SLC18A2: variants seen among roughly 807,000 people sequenced by gnomAD.
The protein encoded by SLC18A2 is solute carrier family 18 member A2.
A neutral mutation model predicts 59.2 loss-of-function variants in SLC18A2; 33 were observed. The ratio of observed to expected loss-of-function variants is 0.56; its 90% confidence interval spans 0.42 to 0.75. The LOEUF (loss-of-function observed/expected upper bound fraction) is 0.75, where lower values mean the gene tolerates loss of function less well. Ranked by LOEUF, SLC18A2 falls within the 30% of genes least tolerant of loss-of-function variation. The pLI is 0.00. For missense variants in SLC18A2, 569 were observed against 668.6 expected, an observed-to-expected ratio of 0.85 and a Z score of 1.64; for synonymous variants, 228 against 253.5, an observed-to-expected ratio of 0.90 and a Z score of 0.95.
At chr10:117,266,246 T>G (rs1022089245) in intron 10 of SLC18A2, among the ~76,000 whole-genome samples, 22 of 152,088 alleles carry the variant, frequency 1.4e-4, no homozygotes, top group Non-Finnish European at 2.9e-4. Context: ...CATAAATATA[T>G]TTATATATGT....
intron 3 of SLC18A2, 119 bp from the exon 4 acceptor site, chr10:117,253,280 G>C (rs1844184346): frequency 2.7e-6 from 2 of 745,022 alleles, no homozygotes; most frequent in Non-Finnish European, 4.7e-6. Flanking sequence ...TGAATTTTCA[G>C]AAAAGTCCAC....
At chr10:117,245,964 T>C (rs954944669) in intron 3 of SLC18A2, among the ~76,000 whole-genome samples, 9 of 152,240 alleles carry the variant, frequency 5.9e-5, no homozygotes, top group Non-Finnish European at 1.3e-4. Flanking sequence ...TAAAACATGC[T>C]AAGCAAATTA....
At chr10:117,247,754 C>T (rs1318969576) in intron 3 of SLC18A2, among the ~76,000 whole-genome samples, 1 of 152,180 alleles carries the variant, frequency 6.6e-6, no homozygotes, top group East Asian at 1.9e-4. Context: ...GGTCCAGCCT[C>T]GTGCATCCCT....
intron 10 of SLC18A2, among the ~76,000 whole-genome samples, chr10:117,258,818 G>A (rs975378587): frequency 2.0e-5 from 3 of 147,696 alleles, no homozygotes; most frequent in African/African-American, 7.5e-5. Flanking sequence ...CCAGGCTGGA[G>A]TGCGGTGGCA....
rs543593869 is a variant in SLC18A2 at position 117,241,744 on chromosome 10, C to G, written c.51C>G (p.Arg17=). The change falls in exon 2 of 16, where the codon CGC becomes CGG. Residue 17 remains arginine, a synonymous_variant. Transcript: ENST00000644641. ...ALVRWLQESR[R]SRKLILFIVF... The stretch of plus-strand genomic sequence containing the variant: ...TCCGCTGGCTGCAGGAGAGCCGCCG[C>G]TCGCGGAAGCTCATCCTGTTCATCG... 1.3e-5 allele frequency: 21 copies of G among 1,610,296 alleles called. No homozygotes were observed. In the South Asian group the frequency reaches 2.2e-4, roughly 17 times the overall value.
At chr10:117,264,036 G>C (rs1844321982) in intron 10 of SLC18A2, among the ~76,000 whole-genome samples, 1 of 152,220 alleles carries the variant, frequency 6.6e-6, no homozygotes, top group Non-Finnish European at 1.5e-5. Context: ...GGAAACCCAA[G>C]GTCTCATTTC....
intron 1 of SLC18A2, 28 bp from the exon 2 acceptor site, chr10:117,241,651 G>T: frequency 6.5e-7 from 1 of 1,533,270 alleles, no homozygotes; most frequent in East Asian, 2.6e-5. Flanking sequence ...CGGCCGCCTT[G>T]GGTCCTCACC....
In SLC18A2 at chr10:117,255,590, T is replaced by G. The variant is rs375131324; in HGVS notation, c.835-7T>G. On this transcript the variant is annotated splice_polypyrimidine_tract_variant and splice_region_variant and intron_variant, in intron 8 of 15. Coordinates refer to ENST00000644641, the MANE Select transcript of SLC18A2 (RefSeq NM_003054.6). The stretch of plus-strand genomic sequence containing the variant: ...GCTGCTTCTGACCCGTGTTTTTTTC[T>G]TGACAGAGTCAGAAGGGGACACCCC... 153 of 1,613,970 alleles carry G rather than the reference T, an allele frequency of 9.5e-5. No individual in the cohort carries two copies. Among genetic ancestry groups the G allele is most frequent in the Non-Finnish European group, 1.1e-4 (129 of 1,180,004 alleles).
intron 3 of SLC18A2, among the ~76,000 whole-genome samples, chr10:117,252,005 C>T (rs1353532957): frequency 1.3e-5 from 2 of 152,052 alleles, no homozygotes; most frequent in African/African-American, 4.8e-5. Context: ...GTCACCCAGG[C>T]TGGAGTGCAG....
At chr10:117,262,143 G>A (rs1450537074) in intron 10 of SLC18A2, among the ~76,000 whole-genome samples, 2 of 152,116 alleles carry the variant, frequency 1.3e-5, no homozygotes, top group East Asian at 3.9e-4. Context: ...CTGACTTCGT[G>A]ATCCCCCTGC....
Position 117,255,300 on chromosome 10 carries a change from C to G in SLC18A2, c.724C>G (p.Leu242Val), listed in dbSNP as rs754569594. Residue 242 changes from leucine to valine, a missense_variant, in exon 7 of 16, where the codon CTC becomes GTC. Physicochemically the swap from Leu to Val is conservative, Grantham distance 32. Around this residue, in one of 2 missense-constraint regions of SLC18A2, gnomAD observed 377 missense variants for 389.8 expected, o/e 0.97. Coordinates refer to ENST00000644641, the MANE Select transcript of SLC18A2 (RefSeq NM_003054.6). ...AGTGGGCCCCCCCTTCGGGAGTGTG[C>G]TCTATGAGTTTGTGGGGAAGACGGC... Reference protein sequence around the residue: ...VLVGPPFGSVLYEFVGKTAPF... With the variant: ...VLVGPPFGSVVYEFVGKTAPF... 1 of 1,614,230 alleles carries G rather than the reference C, an allele frequency of 6.2e-7. No individual in the cohort carries two copies. The highest frequency in any genetic ancestry group is 1.1e-5 in the South Asian group (1 of 91,082).
intron 10 of SLC18A2, among the ~76,000 whole-genome samples, chr10:117,265,150 A>G (rs1002467057): frequency 7.2e-5 from 11 of 152,214 alleles, no homozygotes; most frequent in Admixed American, 2.0e-4. Flanking sequence ...TGGAAAATGA[A>G]ATGAGATTGC....
intron 3 of SLC18A2, among the ~76,000 whole-genome samples, chr10:117,252,244 A>G (rs934553951): frequency 1.3e-5 from 2 of 148,580 alleles, no homozygotes; most frequent in African/African-American, 5.0e-5. Context: ...TCGGCCTCCC[A>G]AAGTGCCAGG....
intron 15 of SLC18A2, among the ~76,000 whole-genome samples, chr10:117,274,441 C>A (rs1353401631): frequency 6.6e-6 from 1 of 152,126 alleles, no homozygotes; most frequent in Non-Finnish European, 1.5e-5. Flanking sequence ...TGACATATTC[C>A]TACATTCAGG....
chr10:117,276,184 A>G (rs1382043391), intron 15 of SLC18A2, among the ~76,000 whole-genome samples: 1 of 151,886 alleles, frequency 6.6e-6, no homozygotes, highest in Admixed American at 6.6e-5. Flanking sequence ...AGTCACAGCT[A>G]CTCGGGAGTC....
intron 13 of SLC18A2, among the ~76,000 whole-genome samples, chr10:117,268,895 GTGT>G (rs562374912): frequency 1.3e-4 from 20 of 151,306 alleles, no homozygotes; most frequent in Admixed American, 2.7e-4. Flanking sequence ...GTGTATGTGT[GTGT>G]TGTGTGTATG....
In SLC18A2 at chr10:117,255,348, C is replaced by G. The variant is rs1187920393; in HGVS notation, c.772C>G (p.Leu258Val). 22 of 1,614,252 alleles carry G rather than the reference C, an allele frequency of 1.4e-5. No individual in the cohort carries two copies. Among genetic ancestry groups the G allele is most frequent in the Non-Finnish European group, 1.9e-5 (22 of 1,180,042 alleles). The change falls in exon 7 of 16, where the codon CTG (leucine) becomes GTG (valine). Residue 258 changes from leucine (L) to valine (V), a missense_variant. By Grantham distance (32) the Leu-to-Val change is conservative. Around this residue, in one of 2 missense-constraint regions of SLC18A2, gnomAD observed 377 missense variants for 389.8 expected, o/e 0.97. Transcript: ENST00000644641. ...GGCTCCGTTCCTGGTGCTGGCCGCC[C>G]TGGTACTCTTGGATGGAGGTGAGTG... ...KTAPFLVLAA[L>V]VLLDGAIQLF... is the part of the protein sequence containing the mutation.
rs530932064 is a variant in SLC18A2 at position 117,264,793 on chromosome 10, C to T, written c.992-1940C>T. On this transcript the variant is annotated intron_variant, in intron 10 of 15. Transcript: ENST00000644641. ...AATGTTGTCATGATATCTTACTATCCGGACTAACAGTCCCTAGAGCTGGTA... is the reference window on the plus strand; with the variant it reads ...AATGTTGTCATGATATCTTACTATCTGGACTAACAGTCCCTAGAGCTGGTA... Among the ~76,000 whole-genome samples, 24 of 152,252 alleles carry T rather than the reference C, an allele frequency of 1.6e-4. No homozygotes were observed. The East Asian group carries it at 2.5e-3, about 16-fold the overall frequency.
At chr10:117,255,445 A>G in intron 7 of SLC18A2, 34 bp from the exon 8 acceptor site, 1 of 1,614,140 alleles carries the variant, frequency 6.2e-7, no homozygotes, top group South Asian at 1.1e-5. Context: ...TGCTTTCTGA[A>G]GAGGGGCTTG....
Sources: gnomAD v4.1 joint callset for allele counts (sites outside exome capture counted in the v4.1 genomes callset) on GRCh38, gnomAD v4.1.1 for gene constraint, gnomAD v4.1.1 regional missense constraint, MANE v1.5 for transcripts, NCBI Gene and HGNC (gene_info 2026-07-23, HGNC 2026-07-21) for gene names.